The following PARD3 variants were observed in gnomAD, a reference collection of about 807,000 sequenced individuals.
PARD3 encodes the protein par-3 family cell polarity regulator, also known as partitioning defective 3 homolog.
A neutral mutation model predicts 155.4 loss-of-function variants in PARD3; 75 were observed. The observed-to-expected ratio is 0.48, with a 90% confidence interval of 0.40 to 0.58. The LOEUF (loss-of-function observed/expected upper bound fraction) is 0.58. Ranked by LOEUF, PARD3 falls within the 20% of genes least tolerant of loss-of-function variation. PARD3 has a pLI of 0.00. For synonymous variants in PARD3, 576 were observed against 610.5 expected (o/e 0.94, Z 0.83); for missense variants, 1,642 against 1,721.7 (o/e 0.95, Z 0.82).
chr10:34,696,923 A>T (rs1379019528), intron 1 of PARD3, among the ~76,000 whole-genome samples: 2 of 151,946 alleles, frequency 1.3e-5, no homozygotes, highest in Non-Finnish European at 2.9e-5. Context: ...GGGACACAGA[A>T]GGATGCTGAC....
At chr10:34,243,663 C>A (rs1307363236) in intron 22 of PARD3, among the ~76,000 whole-genome samples, 1 of 152,114 alleles carries the variant, frequency 6.6e-6, no homozygotes, top group Non-Finnish European at 1.5e-5. Context: ...TGGTGAAGCC[C>A]CGTCTCTACA....
intron 22 of PARD3, among the ~76,000 whole-genome samples, chr10:34,153,900 G>A (rs1228916351): frequency 6.6e-6 from 1 of 152,104 alleles, no homozygotes; most frequent in Non-Finnish European, 1.5e-5. Context: ...TAAAGCCCTT[G>A]TGCAATTATG....
At chr10:34,451,406 G>A (rs1365816982) in intron 4 of PARD3, among the ~76,000 whole-genome samples, 1 of 152,118 alleles carries the variant, frequency 6.6e-6, no homozygotes, top group African/African-American at 2.4e-5. Flanking sequence ...ACACTGTTAA[G>A]AGTAATCTGG....
intron 22 of PARD3, among the ~76,000 whole-genome samples, chr10:34,166,685 C>T (rs1949544324): frequency 6.6e-6 from 1 of 152,008 alleles, no homozygotes; most frequent in South Asian, 2.1e-4. Context: ...TGGGACTGCC[C>T]GATGCCCCTT....
At chr10:34,751,995 G>C (rs1219220820) in intron 1 of PARD3, among the ~76,000 whole-genome samples, 1 of 151,874 alleles carries the variant, frequency 6.6e-6, no homozygotes, top group Non-Finnish European at 1.5e-5. Flanking sequence ...GGTTTGTATA[G>C]GCCTGCCCAC....
rs369351760 is a variant in PARD3, at chr10:34,450,162, T to C, written c.714+155A>G. ...AGCCAGAAATATCCTGCATTTATGT[T>C]AGATAAACTCTGACATAGAGATTGG... On this transcript the variant is annotated intron_variant, in intron 5 of 24. Coordinates refer to ENST00000374788, the MANE Select transcript of PARD3 (RefSeq NM_001184785.2). Among the ~76,000 whole-genome samples, 106 of 152,112 alleles carry C rather than the reference T, an allele frequency of 7.0e-4. 1 individual carries two copies. The South Asian group carries it at 7.9e-3, about 11-fold the overall frequency.
intron 22 of PARD3, among the ~76,000 whole-genome samples, chr10:34,240,312 A>G (rs544510372): frequency 6.6e-6 from 1 of 152,316 alleles, no homozygotes; most frequent in Admixed American, 6.5e-5. Flanking sequence ...TTCAGTTCTG[A>G]GTAAGTACAG....
In PARD3 at chr10:34,171,911, C is replaced by T. The variant is rs186965754; in HGVS notation, c.3420-40328G>A. ...GTTTCAGTGAGTCAAGACTGAGCCACGGCATTCCAGCCTGGGTGACAGAGA... is the reference window on the plus strand; with the variant it reads ...GTTTCAGTGAGTCAAGACTGAGCCATGGCATTCCAGCCTGGGTGACAGAGA... On this transcript the variant is annotated intron_variant, in intron 22 of 24. Coordinates refer to ENST00000374788, the MANE Select transcript of PARD3 (RefSeq NM_001184785.2). 2.6e-4 allele frequency among the ~76,000 whole-genome samples: 34 copies of T among 128,438 alleles called. 1 individual carries two copies. The highest frequency in any genetic ancestry group is 9.3e-4 in the African/African-American group (31 of 33,290). 84.3% of individuals were successfully genotyped at this position (128,438 alleles called of 152,430 possible).
intron 22 of PARD3, among the ~76,000 whole-genome samples, chr10:34,147,543 T>C (rs1406847948): frequency 6.6e-6 from 1 of 151,872 alleles, no homozygotes; most frequent in Non-Finnish European, 1.5e-5. Context: ...TTGATCTTTA[T>C]AAGTTTATAT....
intron 22 of PARD3, among the ~76,000 whole-genome samples, chr10:34,163,656 A>G (rs1949388288): frequency 6.6e-6 from 1 of 152,218 alleles, no homozygotes; most frequent in Non-Finnish European, 1.5e-5. Flanking sequence ...CTCTGCCATC[A>G]TACTGCAAAA....
intron 2 of PARD3, among the ~76,000 whole-genome samples, chr10:34,543,697 A>G (rs767465949): frequency 1.3e-5 from 2 of 152,256 alleles, no homozygotes; most frequent in Non-Finnish European, 2.9e-5. Context: ...GTTAGCCATT[A>G]TATTTAAAAG....
intron 9 of PARD3, among the ~76,000 whole-genome samples, chr10:34,380,875 C>T (rs979047629): frequency 1.1e-4 from 16 of 151,908 alleles, no homozygotes; most frequent in Admixed American, 3.9e-4. Context: ...ATTTTTTATA[C>T]GATTCTATTT....
intron 3 of PARD3, among the ~76,000 whole-genome samples, chr10:34,508,211 G>A (rs2081200696): frequency 6.6e-6 from 1 of 151,978 alleles, no homozygotes. Flanking sequence ...CATCATTTCA[G>A]ACAAATTTCC....
chr10:34,351,237 T>C (rs756090336), intron 14 of PARD3, among the ~76,000 whole-genome samples: 6 of 147,526 alleles, frequency 4.1e-5, no homozygotes, highest in African/African-American at 7.3e-5. Context: ...AAGATCATAT[T>C]ATTCAATATT....
At chr10:34,387,929 C>A (rs1368441988) in intron 7 of PARD3, among the ~76,000 whole-genome samples, 1 of 152,062 alleles carries the variant, frequency 6.6e-6, no homozygotes, top group African/African-American at 2.4e-5. Context: ...GCAATCCTAA[C>A]ATACAGTAGA....
chr10:34,385,109 T>G (rs184670655), intron 7 of PARD3, among the ~76,000 whole-genome samples: 1 of 152,264 alleles, frequency 6.6e-6, no homozygotes, highest in East Asian at 1.9e-4. Context: ...TAGCTCTGAT[T>G]GCTGTTATTT....
chr10:34,237,196 G>A (rs1953289157), intron 22 of PARD3, among the ~76,000 whole-genome samples: 1 of 152,146 alleles, frequency 6.6e-6, no homozygotes, highest in Admixed American at 6.6e-5. Flanking sequence ...CCAAAGTGAG[G>A]ATGAAGGAAG....
intron 2 of PARD3, among the ~76,000 whole-genome samples, chr10:34,682,893 A>C (rs1290077349): frequency 6.6e-6 from 1 of 152,182 alleles, no homozygotes; most frequent in Non-Finnish European, 1.5e-5. Context: ...ACAAAACAAA[A>C]TAAAACCTCA....
At chr10:34,628,179 T>C (rs946515397) in intron 2 of PARD3, among the ~76,000 whole-genome samples, 1 of 152,208 alleles carries the variant, frequency 6.6e-6, no homozygotes, top group African/African-American at 2.4e-5. Flanking sequence ...TGTTGAGAGA[T>C]ACTGCACAGG....
Sources: allele counts gnomAD v4.1 joint callset (sites outside exome capture counted in the v4.1 genomes callset), GRCh38; gene constraint gnomAD v4.1.1; transcripts MANE v1.5; gene names NCBI Gene and HGNC (gene_info 2026-07-23, HGNC 2026-07-21).